Variants in SYN3 observed in about 807,000 individuals in gnomAD.
The protein encoded by SYN3 is synapsin III, also known as synapsin-3.
SYN3 carries 35 observed loss-of-function variants against 65.8 expected under a neutral mutation model. The ratio of observed to expected loss-of-function variants is 0.53; its 90% CI spans 0.41 to 0.70. The LOEUF is 0.70. Ranked by LOEUF, SYN3 falls within the 30% of genes least tolerant of loss-of-function variation. The probability of loss-of-function intolerance (pLI) is 0.00; values close to 1 mark genes in which losing one functional copy is unlikely to be tolerated. For missense variants in SYN3, 680 were observed against 749.0 expected (o/e 0.91, Z 1.08); for synonymous variants, 270 against 292.9 (o/e 0.92, Z 0.80).
intron 6 of SYN3, among the ~76,000 whole-genome samples, chr22:32,864,068 T>A (rs73885122): frequency 0.031 from 4,651 of 152,156 alleles, 221 homozygotes; most frequent in African/African-American, 0.11. Flanking sequence ...CCCATCAGTA[T>A]CTCCAAACAG....
At chr22:32,919,329 ACCTG>A (rs1488312449) in intron 4 of SYN3, among the ~76,000 whole-genome samples, 1 of 152,106 alleles carries the variant, frequency 6.6e-6, no homozygotes, top group African/African-American at 2.4e-5. Flanking sequence ...GTTTCTCATG[ACCTG>A]CCCTTAGCCC....
At chr22:33,022,840 CA>C in intron 1 of SYN3, among the ~76,000 whole-genome samples, 1 of 152,266 alleles carries the variant, frequency 6.6e-6, no homozygotes, top group South Asian at 2.1e-4. Flanking sequence ...TGTAAATGAA[CA>C]CTTACCTTTA....
intron 7 of SYN3, 53 bp downstream of exon 7, chr22:32,596,621 T>G: frequency 6.3e-7 from 1 of 1,586,022 alleles, no homozygotes; most frequent in Non-Finnish European, 8.6e-7. Flanking sequence ...GAACAGGTAG[T>G]CTGGGGAATC....
intron 3 of SYN3, among the ~76,000 whole-genome samples, chr22:32,956,863 T>G (rs1316013518): frequency 6.6e-6 from 1 of 152,232 alleles, no homozygotes; most frequent in African/African-American, 2.4e-5. Context: ...CATACTGTTC[T>G]CCACAGTGGC....
At chr22:32,634,128 C>A (rs1381922185) in intron 6 of SYN3, among the ~76,000 whole-genome samples, 2 of 152,142 alleles carry the variant, frequency 1.3e-5, no homozygotes, top group South Asian at 2.1e-4. Context: ...TATATGTATA[C>A]GTAATAACTT....
chr22:32,679,609 A>G (rs1404163091), intron 6 of SYN3, among the ~76,000 whole-genome samples: 2 of 152,062 alleles, frequency 1.3e-5, no homozygotes, highest in African/African-American at 4.8e-5. Context: ...GTGTGTAAGT[A>G]TTTTAATTTT....
intron 6 of SYN3, among the ~76,000 whole-genome samples, chr22:32,743,342 C>A (rs971902158): frequency 6.6e-6 from 1 of 152,162 alleles, no homozygotes. Flanking sequence ...AAGGAACAAC[C>A]CTTGGCTGGC....
chr22:32,580,053 C>T lies in SYN3; in HGVS notation c.774+16621G>A, dbSNP rs376724369. 3.9e-4 allele frequency among the ~76,000 whole-genome samples: 60 copies of T among 152,346 alleles called. No homozygotes were observed. In the South Asian group the frequency reaches 9.9e-3, roughly 25 times the overall value. ...GTGTAGGGCAAAGGACAGGGCTTTC[C>T]GCTGTCCAGGGCCCTGGCCTAGGCG... is the stretch of plus-strand genomic sequence containing the variant. On this transcript the variant is annotated intron_variant, in intron 7 of 13. Coordinates refer to ENST00000358763, the MANE Select transcript of SYN3 (RefSeq NM_003490.4).
chr22:32,748,873 C>T (rs1048518202), intron 6 of SYN3, among the ~76,000 whole-genome samples: 8 of 152,172 alleles, frequency 5.3e-5, no homozygotes, highest in Non-Finnish European at 4.4e-5. Context: ...ACCCATGGCA[C>T]GGTTCTGGCT....
intron 6 of SYN3, among the ~76,000 whole-genome samples, chr22:32,808,581 C>T (rs906706311): frequency 6.6e-6 from 1 of 152,156 alleles, no homozygotes; most frequent in Non-Finnish European, 1.5e-5. Flanking sequence ...CCCTGCCTAC[C>T]TCATCCTCAT....
chr22:32,765,583 G>A lies in SYN3; in HGVS notation c.711+99332C>T, dbSNP rs552572011. Among the ~76,000 whole-genome samples, 12 of 152,250 alleles carry A rather than the reference G, an allele frequency of 7.9e-5. 1 individual carries two copies. The East Asian group carries it at 1.4e-3, about 17-fold the overall frequency. On this transcript the variant is annotated intron_variant, in intron 6 of 13. Transcript: ENST00000358763. The stretch of plus-strand genomic sequence containing the variant: ...AGGCGAGAGGGTGACAGTGGAGGAG[G>A]GTCGCATAGCAAGGAGGGTTCGCCA...
In SYN3 at chr22:33,056,551, G is replaced by T. The variant is rs578247936; in HGVS notation, c.-163+1741C>A. On this transcript the variant is annotated intron_variant, in intron 1 of 13. Coordinates refer to ENST00000358763, the MANE Select transcript of SYN3 (RefSeq NM_003490.4). Reference sequence around the variant, plus strand: ...ATCAACATTAAGCTTCAAAGGCCTCGTCTCTTTGTCTCATGGGAGGGATTG... The same window carrying T: ...ATCAACATTAAGCTTCAAAGGCCTCTTCTCTTTGTCTCATGGGAGGGATTG... 2.6e-5 allele frequency among the ~76,000 whole-genome samples: 4 copies of T among 152,284 alleles called. No homozygotes were observed. The East Asian group carries it at 7.7e-4, about 29-fold the overall frequency.
At chr22:32,526,137 A>G (rs1217312800) in intron 12 of SYN3, among the ~76,000 whole-genome samples, 1 of 152,192 alleles carries the variant, frequency 6.6e-6, no homozygotes, top group Non-Finnish European at 1.5e-5. Flanking sequence ...TGTACTTAAG[A>G]GACTACAGTG....
chr22:32,966,749 T>C (rs2051858448), intron 3 of SYN3, among the ~76,000 whole-genome samples: 1 of 152,068 alleles, frequency 6.6e-6, no homozygotes, highest in African/African-American at 2.4e-5. Flanking sequence ...ACCCTGTCTC[T>C]ACAAAATATT....
At chr22:32,525,251 G>A (rs2057956438) in intron 12 of SYN3, among the ~76,000 whole-genome samples, 1 of 152,200 alleles carries the variant, frequency 6.6e-6, no homozygotes, top group Non-Finnish European at 1.5e-5. Context: ...GGAAGTAAGT[G>A]AAGATGTCGT....
At chr22:32,596,604 G>C (rs142861543) in intron 7 of SYN3, 70 bp downstream of exon 7, 2 of 1,526,378 alleles carry the variant, frequency 1.3e-6, no homozygotes, top group East Asian at 2.3e-5. Context: ...GTGACAGAGG[G>C]AGAGAGGAAC....
At position 32,803,093 on chromosome 22, in the gene SYN3, C is replaced by T. The variant is rs574481804; in HGVS notation, c.711+61822G>A. Among the ~76,000 whole-genome samples, 17 of 152,212 alleles carry T rather than the reference C, an allele frequency of 1.1e-4. 1 individual carries two copies. The South Asian group carries it at 2.7e-3, about 24-fold the overall frequency. ...TAAAGGTGGAGTGGCATCTGGGAAACATCTCTCTCCTCCTTTCCAGCCCAT... is the reference window on the plus strand; with the variant it reads ...TAAAGGTGGAGTGGCATCTGGGAAATATCTCTCTCCTCCTTTCCAGCCCAT... On this transcript the variant is annotated intron_variant, in intron 6 of 13. Coordinates refer to ENST00000358763, the MANE Select transcript of SYN3 (RefSeq NM_003490.4).
At chr22:32,923,321 T>C (rs2050382782) in intron 4 of SYN3, among the ~76,000 whole-genome samples, 1 of 152,206 alleles carries the variant, frequency 6.6e-6, no homozygotes, top group African/African-American at 2.4e-5. Flanking sequence ...CCCCAGCGGA[T>C]TGGATGCTGT....
intron 3 of SYN3, among the ~76,000 whole-genome samples, chr22:32,974,791 T>TAC (rs2052133269): frequency 6.6e-6 from 1 of 152,194 alleles, no homozygotes; most frequent in Non-Finnish European, 1.5e-5. Flanking sequence ...GAGCACCTAA[T>TAC]ACATGTGCCG....
Sources: allele counts gnomAD v4.1 joint callset (sites outside exome capture counted in the v4.1 genomes callset), GRCh38; gene constraint gnomAD v4.1.1; transcripts MANE v1.5; gene names NCBI Gene and HGNC (gene_info 2026-07-23, HGNC 2026-07-21).